NOTCH2NLC: variants seen among roughly 807,000 people sequenced by gnomAD.
NOTCH2NLC encodes notch homolog 2 N-terminal-like protein C.
A neutral mutation model predicts 17.7 loss-of-function variants in NOTCH2NLC; 4 were observed. That is an observed-to-expected ratio of 0.23 (90% CI 0.11 to 0.52). The LOEUF is 0.52. Ranked by LOEUF, NOTCH2NLC falls within the 20% of genes least tolerant of loss-of-function variation. NOTCH2NLC has a pLI of 0.96. For missense variants in NOTCH2NLC, 57 were observed against 207.2 expected, an observed-to-expected ratio of 0.28 and a Z score of 4.45; for synonymous variants, 18 against 86.0, an observed-to-expected ratio of 0.21 and a Z score of 4.38.
Position 149,390,703 on chromosome 1 carries a change from T to G in NOTCH2NLC, c.-85T>G, listed in dbSNP as rs1384983615. 7 of 1,240,916 alleles carry G rather than the reference T, an allele frequency of 5.6e-6. No homozygotes were observed. The highest frequency in any genetic ancestry group is 2.2e-5 in the South Asian group (1 of 45,654). The allele number at this position is 1,240,916 out of a possible 1,614,324, so 76.9% of individuals were successfully genotyped here. On this transcript the variant is annotated 5_prime_UTR_variant, in exon 1 of 5. Coordinates refer to ENST00000650865, the MANE Select transcript of NOTCH2NLC (RefSeq NM_001364013.2). ...GGAGTCGAGGCATTTGCGCCTGTGC[T>G]TCGGACCGTAGCGCCAGGGCCTGAG...
At chr1:149,437,204 C>T (rs1288432580) in intron 2 of NOTCH2NLC, among the ~76,000 whole-genome samples, 1 of 143,222 alleles carries the variant, frequency 7.0e-6, no homozygotes, top group African/African-American at 2.6e-5. Context: ...CATGGTGAGG[C>T]AAGTAAGGCA....
intron 1 of NOTCH2NLC, among the ~76,000 whole-genome samples, chr1:149,402,229 A>G (rs1235612977): frequency 3.3e-4 from 49 of 150,138 alleles, no homozygotes; most frequent in Non-Finnish European, 6.4e-4. Flanking sequence ...ACAGGCATGC[A>G]CCACAACGCC....
chr1:149,394,403 T>G (rs1307023075), intron 1 of NOTCH2NLC, among the ~76,000 whole-genome samples: 4 of 151,270 alleles, frequency 2.6e-5, no homozygotes, highest in African/African-American at 9.7e-5. Context: ...ACTCAAGAAT[T>G]TTAAAATTGC....
chr1:149,419,903 G>C (rs1328238728), intron 1 of NOTCH2NLC, among the ~76,000 whole-genome samples: 6 of 108,300 alleles, frequency 5.5e-5, no homozygotes, highest in African/African-American at 2.2e-4. Flanking sequence ...GTCTTGCTGT[G>C]TCGCCCAGGC....
At chr1:149,443,578 T>G (rs2084533018) in intron 2 of NOTCH2NLC, among the ~76,000 whole-genome samples, 1 of 150,992 alleles carries the variant, frequency 6.6e-6, no homozygotes, top group African/African-American at 2.4e-5. Flanking sequence ...GAAATAACAT[T>G]TAAGTTGAGA....
At position 149,426,905 on chromosome 1, in the gene NOTCH2NLC, G is replaced by A. The variant is rs1338555282; in HGVS notation, c.136-4037G>A. Among the ~76,000 whole-genome samples the A allele has an allele frequency of 3.8e-3, 566 of 150,456 alleles. 18 individuals carry two copies. The highest frequency in any genetic ancestry group is 6.9e-3 in the Middle Eastern group (2 of 290). ...GATCTGTCCCGGTCTCACTTTCATG[G>A]CTTCAGGTTATCAAAGTTTTAATTT... On this transcript the variant is annotated intron_variant, in intron 1 of 4. Coordinates refer to ENST00000650865, the MANE Select transcript of NOTCH2NLC (RefSeq NM_001364013.2).
At chr1:149,417,387 C>T (rs1438919409) in intron 1 of NOTCH2NLC, among the ~76,000 whole-genome samples, 1 of 151,084 alleles carries the variant, frequency 6.6e-6, no homozygotes, top group Non-Finnish European at 1.5e-5. Context: ...GGATTACAGG[C>T]GTGAGCCACC....
At chr1:149,438,809 G>A (rs2084498350) in intron 2 of NOTCH2NLC, among the ~76,000 whole-genome samples, 3 of 121,642 alleles carry the variant, frequency 2.5e-5, no homozygotes, top group Non-Finnish European at 5.2e-5. Context: ...CTTGAGTGCA[G>A]TAGAGCAATC....
chr1:149,460,879 CTT>C (rs1213792382), intron 3 of NOTCH2NLC, among the ~76,000 whole-genome samples: 6 of 121,476 alleles, frequency 4.9e-5, no homozygotes, highest in Non-Finnish European at 9.3e-5. Context: ...TTCTTTCTTT[CTT>C]TCTTTCTTTC....
chr1:149,407,091 C>G lies in NOTCH2NLC; in HGVS notation c.135+16169C>G, dbSNP rs2084274974. Reference sequence around the variant, plus strand: ...CCTCTCATCTCAGAAGCAATTGATTCATAGAAAAAATTATTTAGGATTTCA... The same window carrying G: ...CCTCTCATCTCAGAAGCAATTGATTGATAGAAAAAATTATTTAGGATTTCA... On this transcript the variant is annotated intron_variant, in intron 1 of 4. Coordinates refer to ENST00000650865, the MANE Select transcript of NOTCH2NLC (RefSeq NM_001364013.2). Among the ~76,000 whole-genome samples the G allele has an allele frequency of 1.3e-5, 2 of 150,430 alleles. 1 individual carries two copies. The highest frequency in any genetic ancestry group is 4.9e-5 in the African/African-American group (2 of 40,962).
intron 1 of NOTCH2NLC, among the ~76,000 whole-genome samples, chr1:149,416,692 A>T (rs1231578154): frequency 6.7e-6 from 1 of 148,212 alleles, no homozygotes; most frequent in Non-Finnish European, 1.5e-5. Context: ...TGTCAATTTT[A>T]CAAAGAAAAA....
intron 1 of NOTCH2NLC, among the ~76,000 whole-genome samples, chr1:149,400,131 TAATATA>T (rs2084235120): frequency 7.4e-6 from 1 of 135,002 alleles, no homozygotes; most frequent in South Asian, 2.3e-4. Context: ...TATATATATA[TAATATA>T]TATTTTTTTT....
At chr1:149,391,098 GCCCCGCCAACCGCCGGGGTT>G (rs1464677528) in intron 1 of NOTCH2NLC, among the ~76,000 whole-genome samples, 176 bp downstream of exon 1, 2 of 64,944 alleles carry the variant, frequency 3.1e-5, no homozygotes, top group Admixed American at 1.5e-4. Flanking sequence ...CTCCCGTGGT[GCCCCGCCAACCGCCGGGGTT>G]CCCCGCCAAC....
rs2084152478 is a variant in NOTCH2NLC at position 149,390,672 on chromosome 1, G to A, written c.-116G>A. 2.5e-6 allele frequency: 3 copies of A among 1,223,820 alleles called. No individual in the cohort carries two copies. The highest frequency in any genetic ancestry group is 3.2e-4 in the Middle Eastern group (1 of 3,102). The allele number at this position is 1,223,820 out of a possible 1,614,324, so 75.8% of individuals were successfully genotyped here. ...GCGGCCGAGGAGCGGCGGACTCGGG[G>A]CGCGGGGAGTCGAGGCATTTGCGCC... On this transcript the variant is annotated 5_prime_UTR_variant, in exon 1 of 5. Transcript: ENST00000650865.
At chr1:149,448,813 G>A (rs1453493384) in intron 2 of NOTCH2NLC, among the ~76,000 whole-genome samples, 5 of 142,660 alleles carry the variant, frequency 3.5e-5, no homozygotes, top group Admixed American at 1.4e-4. Flanking sequence ...GGATAGCCTA[G>A]TGTTGAAGCA....
chr1:149,468,958 C>CTTTTTTTTTTTTTTT lies in NOTCH2NLC; in HGVS notation c.*4815_*4829dup, dbSNP rs1175539238. On this transcript the variant is annotated 3_prime_UTR_variant, in exon 5 of 5. Coordinates refer to ENST00000650865, the MANE Select transcript of NOTCH2NLC (RefSeq NM_001364013.2). ...GGCATGTGTCATTTTCTTTTCTTTT[C>CTTTTTTTTTTTTTTT]TTTTTTTTTTTTTTTTTTTTTTTTG... is the stretch of plus-strand genomic sequence containing the variant. Among the ~76,000 whole-genome samples the CTTTTTTTTTTTTTTT allele has an allele frequency of 2.1e-4, 11 of 53,448 alleles. No individual in the cohort carries two copies. Among genetic ancestry groups the CTTTTTTTTTTTTTTT allele is most frequent in the African/African-American group, 2.8e-4 (3 of 10,736 alleles). 35.1% of individuals were successfully genotyped at this position (53,448 alleles called of 152,430 possible). A position where few individuals can be genotyped will look rare whatever the true frequency, so the allele number is the denominator to read the frequency against.
At chr1:149,420,637 GATA>G (rs2084374676) in intron 1 of NOTCH2NLC, among the ~76,000 whole-genome samples, 1 of 127,784 alleles carries the variant, frequency 7.8e-6, no homozygotes, top group Non-Finnish European at 1.7e-5. Flanking sequence ...ATTTGATCCA[GATA>G]ATAATATAAA....
chr1:149,459,837 CAA>C (rs2084631925), intron 3 of NOTCH2NLC, among the ~76,000 whole-genome samples: 2 of 143,934 alleles, frequency 1.4e-5, no homozygotes, highest in Non-Finnish European at 3.1e-5. Context: ...TAGGAAGAAG[CAA>C]AAGCAGAACC....
intron 1 of NOTCH2NLC, among the ~76,000 whole-genome samples, chr1:149,410,351 G>A (rs1225596061): frequency 6.7e-6 from 1 of 149,626 alleles, no homozygotes; most frequent in African/African-American, 2.5e-5. Context: ...ATATTTTCCT[G>A]CCTTTTGATA....
Sources: gnomAD v4.1 joint callset for allele counts (sites outside exome capture counted in the v4.1 genomes callset) on GRCh38, gnomAD v4.1.1 for gene constraint, MANE v1.5 for transcripts, NCBI Gene and HGNC (gene_info 2026-07-23, HGNC 2026-07-21) for gene names.